The following RBFOX1 variants were observed in gnomAD, a reference collection of about 807,000 sequenced individuals.
The protein encoded by RBFOX1 is RNA binding fox-1 homolog 1.
Under a neutral mutation model 57.7 loss-of-function variants are expected in RBFOX1, and 8 were observed. The ratio of observed to expected loss-of-function variants is 0.14; its 90% CI spans 0.08 to 0.25. The LOEUF (loss-of-function observed/expected upper bound fraction) is 0.25. Among genes scored for constraint, RBFOX1 ranks in the 10% least tolerant of loss-of-function variants. RBFOX1 has a pLI of 1.00. For missense variants in RBFOX1, 611 were observed against 548.5 expected (o/e 1.11, Z -1.14); for synonymous variants, 326 against 222.4 (o/e 1.47, Z -4.15).
At chr16:7,156,239 C>G (rs970952229) in intron 4 of RBFOX1, among the ~76,000 whole-genome samples, 1 of 147,956 alleles carries the variant, frequency 6.8e-6, no homozygotes, top group Non-Finnish European at 1.5e-5. Context: ...TATACACACA[C>G]ATATATATGT....
chr16:5,284,717 T>A (rs1469004846), intron 1 of RBFOX1, among the ~76,000 whole-genome samples: 1 of 147,426 alleles, frequency 6.8e-6, no homozygotes, highest in African/African-American at 2.5e-5. Context: ...CCTTCATTTT[T>A]GAAGGACAGC....
At chr16:7,447,232 G>T (rs2098815754) in intron 4 of RBFOX1, among the ~76,000 whole-genome samples, 1 of 151,762 alleles carries the variant, frequency 6.6e-6, no homozygotes, top group African/African-American at 2.4e-5. Flanking sequence ...AGGAGTTCGA[G>T]ACCAGCCTGG....
intron 2 of RBFOX1, among the ~76,000 whole-genome samples, chr16:6,599,729 G>T (rs1364239111): frequency 1.3e-5 from 2 of 152,130 alleles, no homozygotes; most frequent in South Asian, 2.1e-4. Context: ...TCCCATCCCA[G>T]TGCTCACCAC....
chr16:6,380,398 A>AT lies in RBFOX1; in HGVS notation c.-64+63389dup, dbSNP rs60498960. Among the ~76,000 whole-genome samples, 12 of 49,116 alleles carry AT rather than the reference A, an allele frequency of 2.4e-4. 1 individual carries two copies. Among genetic ancestry groups the AT allele is most frequent in the South Asian group, 1.0e-3 (1 of 986 alleles). The allele number at this position is 49,116 out of a possible 152,430, so 32.2% of individuals were successfully genotyped here. On this transcript the variant is annotated intron_variant, in intron 2 of 15. Transcript: ENST00000550418. ...CGTCTGTGAGTGGTGAATGGTGGGG[A>AT]TTTTTTTTTTTTTTTTTTTTTTTTT...
intron 3 of RBFOX1, among the ~76,000 whole-genome samples, chr16:5,711,395 A>T (rs759589228): frequency 6.6e-6 from 1 of 152,218 alleles, no homozygotes; most frequent in Non-Finnish European, 1.5e-5. Flanking sequence ...TTCAGAGTTC[A>T]TGTCCTTAAC....
At chr16:7,018,442 T>G (rs1367927659) in intron 3 of RBFOX1, among the ~76,000 whole-genome samples, 1 of 152,222 alleles carries the variant, frequency 6.6e-6, no homozygotes, top group African/African-American at 2.4e-5. Context: ...TAATTGCTCC[T>G]GTTTTTGAAA....
chr16:6,812,563 G>T (rs934094675), intron 3 of RBFOX1, among the ~76,000 whole-genome samples: 2 of 151,960 alleles, frequency 1.3e-5, no homozygotes, highest in Admixed American at 1.3e-4. Flanking sequence ...TTTTATTAGA[G>T]ACAGGGTTTC....
At chr16:7,608,522 G>C (rs1389198605) in intron 10 of RBFOX1, among the ~76,000 whole-genome samples, 1 of 152,192 alleles carries the variant, frequency 6.6e-6, no homozygotes, top group African/African-American at 2.4e-5. Flanking sequence ...TGTGGGGGAA[G>C]AGACTTAGCC....
chr16:6,208,344 G>T (rs2097268917), intron 1 of RBFOX1, among the ~76,000 whole-genome samples: 1 of 151,946 alleles, frequency 6.6e-6, no homozygotes. Context: ...TTGCATTGAG[G>T]GAATATATTA....
intron 3 of RBFOX1, among the ~76,000 whole-genome samples, chr16:6,746,837 G>C (rs758286400): frequency 6.6e-6 from 1 of 152,114 alleles, no homozygotes; most frequent in Non-Finnish European, 1.5e-5. Context: ...ATAGGAATGT[G>C]AGATTTTATT....
chr16:5,339,753 C>T (rs1002544926), intron 1 of RBFOX1, among the ~76,000 whole-genome samples: 2 of 151,898 alleles, frequency 1.3e-5, no homozygotes, highest in East Asian at 1.9e-4. Context: ...CAAAGTGGAT[C>T]GAGCAAGTGG....
intron 2 of RBFOX1, among the ~76,000 whole-genome samples, chr16:6,516,173 C>T (rs2096374153): frequency 6.6e-6 from 1 of 152,150 alleles, no homozygotes; most frequent in Non-Finnish European, 1.5e-5. Context: ...GGATTACAGG[C>T]ATGTGCCACC....
At chr16:6,415,954 C>T (rs1183525560) in intron 2 of RBFOX1, among the ~76,000 whole-genome samples, 2 of 152,184 alleles carry the variant, frequency 1.3e-5, no homozygotes, top group African/African-American at 4.8e-5. Context: ...TTTGTTGTTT[C>T]CTTGTGCTTG....
chr16:6,378,993 C>T (rs2091505655), intron 2 of RBFOX1, among the ~76,000 whole-genome samples: 2 of 152,106 alleles, frequency 1.3e-5, no homozygotes, highest in South Asian at 4.1e-4. Flanking sequence ...AGTAATTAGA[C>T]ATAGAAGAGA....
chr16:6,852,630 C>G (rs1249015579), intron 3 of RBFOX1, among the ~76,000 whole-genome samples: 1 of 152,052 alleles, frequency 6.6e-6, no homozygotes, highest in Non-Finnish European at 1.5e-5. Context: ...AACTAGCTGT[C>G]TGGGAGAGGT....
intron 3 of RBFOX1, among the ~76,000 whole-genome samples, chr16:6,818,630 A>G (rs754221056): frequency 1.3e-5 from 2 of 152,136 alleles, no homozygotes; most frequent in Admixed American, 6.5e-5. Context: ...AGCACCTGTG[A>G]TGAATAGCTG....
At chr16:7,203,903 CAAG>C (rs2089312724) in intron 4 of RBFOX1, among the ~76,000 whole-genome samples, 1 of 152,320 alleles carries the variant, frequency 6.6e-6, no homozygotes, top group African/African-American at 2.4e-5. Context: ...CAGAACTAGT[CAAG>C]AAGGACAGGT....
At chr16:7,512,679 G>A (rs532231516) in intron 4 of RBFOX1, among the ~76,000 whole-genome samples, 25 of 152,332 alleles carry the variant, frequency 1.6e-4, no homozygotes, top group Non-Finnish European at 3.1e-4. Flanking sequence ...CACAACTCAT[G>A]GTAGAGGTGG....
chr16:5,272,627 C>G (rs1279321893), intron 1 of RBFOX1, among the ~76,000 whole-genome samples: 3 of 152,192 alleles, frequency 2.0e-5, no homozygotes, highest in Admixed American at 6.5e-5. Flanking sequence ...GCATACAACA[C>G]TTACAGCAAG....
Sources: allele counts gnomAD v4.1 joint callset (sites outside exome capture counted in the v4.1 genomes callset), GRCh38; gene constraint gnomAD v4.1.1; transcripts MANE v1.5; gene names NCBI Gene and HGNC (gene_info 2026-07-23, HGNC 2026-07-21).